Variants in SCAPER observed in about 807,000 individuals in gnomAD.
The protein encoded by SCAPER is S phase cyclin A-associated protein in the endoplasmic reticulum.
In SCAPER, 98 loss-of-function variants were observed where a neutral mutation model predicts 182.2. The observed-to-expected ratio is 0.54, with a 90% CI of 0.46 to 0.64. SCAPER has a LOEUF of 0.64. SCAPER is among the 30% of genes least tolerant of loss of function. The pLI is 0.00. For missense variants in SCAPER, 1,432 were observed against 1,690.0 expected, an observed-to-expected ratio of 0.85 and a Z score of 2.68; for synonymous variants, 605 against 564.6, an observed-to-expected ratio of 1.07 and a Z score of -1.01.
intron 24 of SCAPER, among the ~76,000 whole-genome samples, chr15:76,487,707 A>T (rs1392701879): frequency 1.3e-5 from 2 of 152,156 alleles, no homozygotes; most frequent in Non-Finnish European, 1.5e-5. Flanking sequence ...AATTAAAAAA[A>T]CCTCTAGGAT....
At chr15:76,804,284 T>C (rs1290423067) in intron 6 of SCAPER, among the ~76,000 whole-genome samples, 1 of 152,220 alleles carries the variant, frequency 6.6e-6, no homozygotes, top group Non-Finnish European at 1.5e-5. Context: ...GTCTATAAAT[T>C]CCATGAGTGG....
Position 76,354,178 on chromosome 15 carries a change from G to A in SCAPER, c.3856-38C>T, listed in dbSNP as rs192286287. 3.5e-3 allele frequency: 5,523 copies of A among 1,572,750 alleles called. 48 individuals carry two copies. Among genetic ancestry groups the A allele is most frequent in the South Asian group, 0.018 (1,525 of 84,396 alleles). On this transcript the variant is annotated intron_variant, in intron 29 of 31. Coordinates refer to ENST00000563290, the MANE Select transcript of SCAPER (RefSeq NM_020843.4). The surrounding 1 kb of genome is among the most constrained non-coding windows in gnomAD (Gnocchi z 4.4). The stretch of plus-strand genomic sequence containing the variant: ...AGCAGCCCAGGTCAGCTGCCGAAAC[G>A]CCCCAGCCTGTCCCTCACCCACCTG...
intron 4 of SCAPER, among the ~76,000 whole-genome samples, chr15:76,844,578 T>G (rs1463305210): frequency 1.3e-5 from 2 of 152,194 alleles, no homozygotes; most frequent in Non-Finnish European, 2.9e-5. Flanking sequence ...TTGTGGCTAC[T>G]ATGAGAAACT....
Position 76,800,228 on chromosome 15 carries a change from T to G in SCAPER, c.611+20A>C. On this transcript the variant is annotated intron_variant, in intron 7 of 31. Coordinates refer to ENST00000563290, the MANE Select transcript of SCAPER (RefSeq NM_020843.4). Reference sequence around the variant, plus strand: ...ATAATTTAATGCAAGTCTTAGTAGTTTTTTCTTAGTTCATCTCACCCAAAA... The same window carrying G: ...ATAATTTAATGCAAGTCTTAGTAGTGTTTTCTTAGTTCATCTCACCCAAAA... The G allele has an allele frequency of 1.5e-6, 2 of 1,363,460 alleles. No homozygotes were observed. Among genetic ancestry groups the G allele is most frequent in the Non-Finnish European group, 2.1e-6 (2 of 957,846 alleles). 84.5% of individuals were successfully genotyped at this position (1,363,460 alleles called of 1,614,324 possible).
At chr15:76,435,406 G>A (rs1259988193) in intron 25 of SCAPER, among the ~76,000 whole-genome samples, 1 of 151,850 alleles carries the variant, frequency 6.6e-6, no homozygotes, top group African/African-American at 2.4e-5. Context: ...ATCACTAATT[G>A]TCTATCTTTT....
Position 76,523,620 on chromosome 15 carries a change from C to G in SCAPER, c.2839-18646G>C, listed in dbSNP as rs201842366. On this transcript the variant is annotated intron_variant, in intron 23 of 31. Transcript: ENST00000563290. Reference sequence around the variant, plus strand: ...CCCAATGCCAAATACTGAGGTGGGTCTGCTTTAGGAAGACAGTTAAACAAC... The same window carrying G: ...CCCAATGCCAAATACTGAGGTGGGTGTGCTTTAGGAAGACAGTTAAACAAC... Among the ~76,000 whole-genome samples the G allele has an allele frequency of 2.6e-5, 4 of 152,038 alleles. No individual in the cohort carries two copies. The East Asian group carries it at 7.7e-4, about 29-fold the overall frequency.
chr15:76,889,260 C>A (rs748373311), intron 1 of SCAPER, among the ~76,000 whole-genome samples: 1 of 152,306 alleles, frequency 6.6e-6, no homozygotes, highest in Non-Finnish European at 1.5e-5. Flanking sequence ...TATGAAGGAA[C>A]TGCATCAATT....
intron 21 of SCAPER, among the ~76,000 whole-genome samples, chr15:76,660,631 C>T (rs1787850303): frequency 6.6e-6 from 1 of 152,046 alleles, no homozygotes; most frequent in Non-Finnish European, 1.5e-5. Flanking sequence ...AAAACAAAAA[C>T]AAACTACAGT....
chr15:76,512,918 C>T (rs896722981), intron 23 of SCAPER, among the ~76,000 whole-genome samples: 8 of 151,710 alleles, frequency 5.3e-5, no homozygotes, highest in African/African-American at 1.9e-4. Flanking sequence ...TAAAAAATCT[C>T]CCAAATCTCC....
At chr15:76,814,595 A>T (rs2066919166) in intron 5 of SCAPER, among the ~76,000 whole-genome samples, 1 of 152,206 alleles carries the variant, frequency 6.6e-6, no homozygotes, top group South Asian at 2.1e-4. Context: ...ATCTTACACC[A>T]TACGCAAAAA....
At chr15:76,567,365 T>C in intron 23 of SCAPER, 1 of 454,732 alleles carries the variant, frequency 2.2e-6, no homozygotes, top group Non-Finnish European at 4.4e-6. Context: ...GTGTATATCT[T>C]GCCTGGTGGA....
At position 76,521,628 on chromosome 15, in the gene SCAPER, A is replaced by G. The variant is rs141469376; in HGVS notation, c.2839-16654T>C. Among the ~76,000 whole-genome samples the G allele has an allele frequency of 5.6e-4, 85 of 152,338 alleles. 1 individual carries two copies. Among genetic ancestry groups the G allele is most frequent in the Admixed American group, 5.6e-3 (85 of 15,300 alleles). The stretch of plus-strand genomic sequence containing the variant: ...GATATACCTTATATAAAGCGTATAC[A>G]AAGCTGTTAACAATATTAACAAAAT... On this transcript the variant is annotated intron_variant, in intron 23 of 31. Coordinates refer to ENST00000563290, the MANE Select transcript of SCAPER (RefSeq NM_020843.4).
chr15:76,899,728 C>A (rs1173037645), intron 1 of SCAPER, among the ~76,000 whole-genome samples: 1 of 151,460 alleles, frequency 6.6e-6, no homozygotes, highest in Non-Finnish European at 1.5e-5. Flanking sequence ...AGCGTCTCTG[C>A]CTGGCTGCCC....
At chr15:76,501,125 T>C (rs941450522) in intron 24 of SCAPER, among the ~76,000 whole-genome samples, 2 of 152,118 alleles carry the variant, frequency 1.3e-5, no homozygotes, top group Non-Finnish European at 2.9e-5. Context: ...GGGTGATCTT[T>C]CTTGGCACTG....
At chr15:76,599,890 C>T (rs2049787694) in intron 22 of SCAPER, among the ~76,000 whole-genome samples, 1 of 121,312 alleles carries the variant, frequency 8.2e-6, no homozygotes, top group African/African-American at 2.5e-5. Flanking sequence ...TTAAGATCTG[C>T]GCATTTTGTT....
In SCAPER at chr15:76,475,440, C is replaced by T. The variant is rs144610522; in HGVS notation, c.2955-4105G>A. ...CTCTTGGGTTCAAGCTATTCTCCTGCCTCAGCCTCCCGGGTAACTAGGATT... is the reference window on the plus strand; with the variant it reads ...CTCTTGGGTTCAAGCTATTCTCCTGTCTCAGCCTCCCGGGTAACTAGGATT... On this transcript the variant is annotated intron_variant, in intron 24 of 31. Transcript: ENST00000563290. Among the ~76,000 whole-genome samples, 1,025 of 152,114 alleles carry T rather than the reference C, an allele frequency of 6.7e-3. 14 individuals carry two copies. Among genetic ancestry groups the T allele is most frequent in the African/African-American group, 0.023 (973 of 41,474 alleles).
chr15:76,529,210 A>AT (rs1055090668), intron 23 of SCAPER, among the ~76,000 whole-genome samples: 10 of 152,130 alleles, frequency 6.6e-5, no homozygotes, highest in Non-Finnish European at 1.0e-4. Flanking sequence ...CACCTGGCTA[A>AT]TTTTTTGGTA....
At chr15:76,665,614 T>C in intron 21 of SCAPER, 39 bp downstream of exon 21, 1 of 1,543,846 alleles carries the variant, frequency 6.5e-7, no homozygotes, top group East Asian at 2.3e-5. Context: ...GATACATCAC[T>C]AAAAGTTTTT....
chr15:76,646,114 TG>T (rs372725516), intron 21 of SCAPER, among the ~76,000 whole-genome samples: 208 of 152,266 alleles, frequency 1.4e-3, no homozygotes, highest in African/African-American at 4.6e-3. Flanking sequence ...CACGAAGGAT[TG>T]GTTCCAGGAT....
Sources: allele counts gnomAD v4.1 joint callset (sites outside exome capture counted in the v4.1 genomes callset), GRCh38; gene constraint gnomAD v4.1.1; non-coding constraint Gnocchi (gnomAD v3.1); transcripts MANE v1.5; gene names NCBI Gene and HGNC (gene_info 2026-07-23, HGNC 2026-07-21).